Variants in ELMO1 observed in about 807,000 individuals in gnomAD.
The protein encoded by ELMO1 is engulfment and cell motility protein 1.
ELMO1 carries 26 observed loss-of-function variants against 98.9 expected under a neutral mutation model. The ratio of observed to expected loss-of-function variants is 0.26; its 90% confidence interval spans 0.19 to 0.36. The LOEUF (loss-of-function observed/expected upper bound fraction) is 0.36, where lower values mean the gene tolerates loss of function less well. ELMO1 is among the 10% of genes least tolerant of loss of function. ELMO1 has a pLI of 1.00. For synonymous variants in ELMO1, 346 were observed against 346.0 expected (o/e 1.00, Z 0.00); for missense variants, 627 against 935.2 (o/e 0.67, Z 4.30).
At chr7:37,203,821 CTTG>C (rs990992965) in intron 13 of ELMO1, among the ~76,000 whole-genome samples, 23 of 152,250 alleles carry the variant, frequency 1.5e-4, no homozygotes, top group African/African-American at 4.6e-4. Context: ...GGTCAACCAA[CTTG>C]TTGTTGGGAT....
At chr7:37,333,451 C>G (rs1296535319) in intron 2 of ELMO1, among the ~76,000 whole-genome samples, 2 of 152,148 alleles carry the variant, frequency 1.3e-5, no homozygotes, top group Non-Finnish European at 2.9e-5. Context: ...GAGAATCCCA[C>G]CAGCACCCAC....
At chr7:37,162,013 G>A (rs1257314016) in intron 13 of ELMO1, among the ~76,000 whole-genome samples, 1 of 143,378 alleles carries the variant, frequency 7.0e-6, no homozygotes, top group African/African-American at 2.6e-5. Context: ...AAAAAGGGGA[G>A]GAGGGAAGGA....
intron 15 of ELMO1, among the ~76,000 whole-genome samples, chr7:37,048,690 C>T (rs184396919): frequency 2.6e-5 from 4 of 152,186 alleles, no homozygotes; most frequent in African/African-American, 9.7e-5. Flanking sequence ...TGTTTAAACA[C>T]GTTTCATGAG....
chr7:37,271,729 C>A, intron 5 of ELMO1, 103 bp downstream of exon 5: 1 of 1,261,710 alleles, frequency 7.9e-7, no homozygotes, highest in African/African-American at 1.5e-5. Flanking sequence ...AAGCCTTTTG[C>A]TTTGCACTAA....
At chr7:37,235,243 AAAG>A (rs969082477) in intron 7 of ELMO1, among the ~76,000 whole-genome samples, 12 of 152,324 alleles carry the variant, frequency 7.9e-5, no homozygotes, top group African/African-American at 2.6e-4. Context: ...AAAATAAAAA[AAAG>A]AAGAAGAAAA....
chr7:37,040,595 A>C (rs1366634407), intron 15 of ELMO1, among the ~76,000 whole-genome samples: 1 of 152,218 alleles, frequency 6.6e-6, no homozygotes, highest in Non-Finnish European at 1.5e-5. Flanking sequence ...ATAGTGGAAC[A>C]AAAACAGCCG....
chr7:37,203,222 T>C (rs1189360007), intron 13 of ELMO1, among the ~76,000 whole-genome samples: 1 of 152,208 alleles, frequency 6.6e-6, no homozygotes. Flanking sequence ...CAAAATTGTA[T>C]TTAATGGCCC....
intron 20 of ELMO1, among the ~76,000 whole-genome samples, chr7:36,869,450 CTATT>C (rs2129039477): frequency 6.6e-6 from 1 of 152,282 alleles, no homozygotes; most frequent in East Asian, 1.9e-4. Context: ...ACAGTGGAAA[CTATT>C]TATTTTAACG....
At chr7:37,007,323 C>T (rs1483614335) in intron 16 of ELMO1, among the ~76,000 whole-genome samples, 2 of 152,206 alleles carry the variant, frequency 1.3e-5, no homozygotes, top group African/African-American at 4.8e-5. Context: ...TTATTAGCCA[C>T]ACCAGGCCCA....
chr7:36,902,845 G>C (rs989089104), intron 16 of ELMO1, among the ~76,000 whole-genome samples: 4 of 152,182 alleles, frequency 2.6e-5, no homozygotes, highest in African/African-American at 9.7e-5. Flanking sequence ...TTTGCCTCTT[G>C]AATATCTGTT....
intron 13 of ELMO1, among the ~76,000 whole-genome samples, chr7:37,179,554 G>A (rs941415235): frequency 6.6e-6 from 1 of 152,090 alleles, no homozygotes; most frequent in African/African-American, 2.4e-5. Context: ...TGGGATTACA[G>A]GCGTGAGCCA....
At chr7:37,431,390 A>G (rs529511850) in intron 1 of ELMO1, among the ~76,000 whole-genome samples, 1 of 152,340 alleles carries the variant, frequency 6.6e-6, no homozygotes, top group East Asian at 1.9e-4. Context: ...ACACAGGGCT[A>G]TACTATTGGC....
At chr7:37,047,644 C>A (rs1201985973) in intron 15 of ELMO1, among the ~76,000 whole-genome samples, 1 of 152,302 alleles carries the variant, frequency 6.6e-6, no homozygotes, top group Admixed American at 6.5e-5. Context: ...TGCCATAAAG[C>A]GTAACCATGG....
At chr7:36,856,663 G>C (rs1802218397) in intron 21 of ELMO1, among the ~76,000 whole-genome samples, 1 of 152,202 alleles carries the variant, frequency 6.6e-6, no homozygotes, top group Admixed American at 6.5e-5. Context: ...AGAGGCTGGA[G>C]TTCTGTACTG....
At chr7:37,222,145 T>A (rs945493183) in intron 10 of ELMO1, among the ~76,000 whole-genome samples, 1 of 152,190 alleles carries the variant, frequency 6.6e-6, no homozygotes, top group Non-Finnish European at 1.5e-5. Context: ...TTATCCCTCC[T>A]GTCCTCTTAC....
intron 1 of ELMO1, among the ~76,000 whole-genome samples, chr7:37,376,879 A>G (rs1179178587): frequency 6.6e-6 from 1 of 152,210 alleles, no homozygotes; most frequent in Non-Finnish European, 1.5e-5. Flanking sequence ...TTCATTTATC[A>G]GAGATTAAAA....
rs564968445 is a variant in ELMO1 at position 36,853,702 on chromosome 7, T to C, written c.*1849A>G. ...GTCAATCTGTAATTGCACATCCTGA[T>C]GACGGTAAAGAGAAATGACCTGGAT... On this transcript the variant is annotated 3_prime_UTR_variant, in exon 22 of 22. Transcript: ENST00000310758. Among the ~76,000 whole-genome samples, 141 of 152,350 alleles carry C rather than the reference T, an allele frequency of 9.3e-4. No individual in the cohort carries two copies. Among genetic ancestry groups the C allele is most frequent in the African/African-American group, 3.3e-3 (136 of 41,584 alleles).
intron 13 of ELMO1, among the ~76,000 whole-genome samples, chr7:37,156,302 C>A (rs1049329068): frequency 6.6e-6 from 1 of 151,976 alleles, no homozygotes; most frequent in African/African-American, 2.4e-5. Context: ...TAGCAGAAGA[C>A]AACAAATAAC....
rs562566218 is a variant in ELMO1 at position 37,247,148 on chromosome 7, G to A, written c.414-2757C>T. Among the ~76,000 whole-genome samples the A allele has an allele frequency of 3.9e-5, 6 of 152,212 alleles. No homozygotes were observed. In the South Asian group the frequency reaches 1.0e-3, roughly 26 times the overall value. On this transcript the variant is annotated intron_variant, in intron 6 of 21. Transcript: ENST00000310758. ...AAACCTCTAAATTAAACATTTTATTGGAGAATCATAGAATTGCAATTTGAA... is the reference window on the plus strand; with the variant it reads ...AAACCTCTAAATTAAACATTTTATTAGAGAATCATAGAATTGCAATTTGAA...
Sources: gnomAD v4.1 joint callset for allele counts (sites outside exome capture counted in the v4.1 genomes callset) on GRCh38, gnomAD v4.1.1 for gene constraint, MANE v1.5 for transcripts, NCBI Gene and HGNC (gene_info 2026-07-23, HGNC 2026-07-21) for gene names.